Variants in ADGRL3 observed in about 807,000 individuals in gnomAD.
ADGRL3 encodes calcium-independent alpha-latrotoxin receptor 3.
In ADGRL3, 62 loss-of-function variants were observed where a neutral mutation model predicts 153.5. The ratio of observed to expected loss-of-function variants is 0.40; its 90% CI spans 0.33 to 0.50. The LOEUF (loss-of-function observed/expected upper bound fraction) is 0.50. Among genes scored for constraint, ADGRL3 ranks in the 20% least tolerant of loss-of-function variants. The pLI is 0.47. For missense variants in ADGRL3, 1,641 were observed against 1,859.4 expected (o/e 0.88, Z 2.16); for synonymous variants, 710 against 672.5 (o/e 1.06, Z -0.86).
At chr4:61,497,476 TTAAAA>T in intron 3 of ADGRL3, 128 bp downstream of exon 3, 1 of 539,160 alleles carries the variant, frequency 1.9e-6, no homozygotes, top group Non-Finnish European at 3.2e-6. Flanking sequence ...TATGAGTAAG[TTAAAA>T]TAAAAGAACA....
chr4:62,030,642 C>A (rs1342432527), intron 22 of ADGRL3, among the ~76,000 whole-genome samples: 2 of 151,522 alleles, frequency 1.3e-5, no homozygotes, highest in Non-Finnish European at 3.0e-5. Flanking sequence ...CTATACTACT[C>A]CATTCATACC....
chr4:61,601,968 T>C (rs544024799), intron 5 of ADGRL3, among the ~76,000 whole-genome samples: 2 of 152,276 alleles, frequency 1.3e-5, no homozygotes, highest in Non-Finnish European at 2.9e-5. Flanking sequence ...GAATATATGT[T>C]GTTAGATCAA....
At chr4:61,842,886 A>G (rs951354536) in intron 9 of ADGRL3, among the ~76,000 whole-genome samples, 1 of 152,190 alleles carries the variant, frequency 6.6e-6, no homozygotes, top group African/African-American at 2.4e-5. Flanking sequence ...GATAGTGTCT[A>G]TATTGGAAAT....
chr4:61,222,617 A>G (rs545399676), intron 1 of ADGRL3, among the ~76,000 whole-genome samples: 60 of 152,296 alleles, frequency 3.9e-4, no homozygotes, highest in Admixed American at 2.0e-3. Context: ...TTCAAGCTCC[A>G]TTGGAAATGC....
intron 2 of ADGRL3, among the ~76,000 whole-genome samples, chr4:61,407,205 T>C (rs972828004): frequency 6.6e-6 from 1 of 151,978 alleles, no homozygotes; most frequent in Non-Finnish European, 1.5e-5. Flanking sequence ...TAATTTGAGG[T>C]TTTTTTGTAA....
intron 3 of ADGRL3, among the ~76,000 whole-genome samples, chr4:61,516,924 A>C (rs1560768409): frequency 6.6e-6 from 1 of 152,138 alleles, no homozygotes; most frequent in African/African-American, 2.4e-5. Flanking sequence ...CATTATTCTT[A>C]TTTACACTTA....
intron 1 of ADGRL3, among the ~76,000 whole-genome samples, chr4:61,338,707 T>C (rs1226940164): frequency 6.6e-6 from 1 of 152,228 alleles, no homozygotes; most frequent in Non-Finnish European, 1.5e-5. Flanking sequence ...TATGTGATTA[T>C]TTACATATTG....
At position 61,909,759 on chromosome 4, in the gene ADGRL3, T is replaced by TTA. The variant is rs1553879259; in HGVS notation, c.2073+16_2073+17dup. 1.3e-5 allele frequency: 14 copies of TTA among 1,073,458 alleles called. No individual in the cohort carries two copies. The highest frequency in any genetic ancestry group is 1.8e-5 in the Non-Finnish European group (14 of 789,922). 66.5% of individuals were successfully genotyped at this position (1,073,458 alleles called of 1,614,324 possible). A position where few individuals can be genotyped will look rare whatever the true frequency, so the allele number is the denominator to read the frequency against. On this transcript the variant is annotated intron_variant, in intron 12 of 26. Transcript: ENST00000683033. ...AGTTTGAACAAGGTAAGGACCCTAA[T>TTA]TATGTGTGTGTGTGTGTGTGTGTGT...
At chr4:61,467,200 T>C (rs865818463) in intron 2 of ADGRL3, among the ~76,000 whole-genome samples, 1 of 152,112 alleles carries the variant, frequency 6.6e-6, no homozygotes, top group Admixed American at 6.6e-5. Flanking sequence ...AGTGTAAACA[T>C]TAAAATGTTA....
chr4:61,960,428 T>G (rs892974130), intron 17 of ADGRL3, among the ~76,000 whole-genome samples: 1 of 152,060 alleles, frequency 6.6e-6, no homozygotes, highest in Non-Finnish European at 1.5e-5. Flanking sequence ...AGAGAGAGTA[T>G]GTTAGCAGAA....
At chr4:61,630,752 G>C (rs2093113725) in intron 5 of ADGRL3, among the ~76,000 whole-genome samples, 1 of 152,226 alleles carries the variant, frequency 6.6e-6, no homozygotes, top group Non-Finnish European at 1.5e-5. Flanking sequence ...ATACAAATGT[G>C]TGCAAAGCAC....
At chr4:61,727,981 A>G (rs1322987366) in intron 6 of ADGRL3, among the ~76,000 whole-genome samples, 3 of 152,068 alleles carry the variant, frequency 2.0e-5, no homozygotes, top group Non-Finnish European at 4.4e-5. Context: ...TATTCATGTA[A>G]TTTGATTATT....
chr4:61,896,015 A>T (rs2098629344), intron 11 of ADGRL3, among the ~76,000 whole-genome samples, 181 bp downstream of exon 11: 1 of 152,102 alleles, frequency 6.6e-6, no homozygotes, highest in Non-Finnish European at 1.5e-5. Flanking sequence ...TTAAAGTGCA[A>T]ATCCATGAAT....
intron 2 of ADGRL3, among the ~76,000 whole-genome samples, chr4:61,463,837 G>A (rs925150042): frequency 1.3e-5 from 2 of 152,204 alleles, no homozygotes; most frequent in Non-Finnish European, 2.9e-5. Flanking sequence ...AACACCAGAT[G>A]TGGATGGTCA....
intron 5 of ADGRL3, among the ~76,000 whole-genome samples, chr4:61,640,898 T>G (rs1330022647): frequency 6.6e-6 from 1 of 152,206 alleles, no homozygotes; most frequent in Non-Finnish European, 1.5e-5. Flanking sequence ...AAGGTTCTGC[T>G]TAATATTCTT....
At chr4:61,428,627 G>C (rs905101536) in intron 2 of ADGRL3, among the ~76,000 whole-genome samples, 2 of 152,182 alleles carry the variant, frequency 1.3e-5, no homozygotes, top group African/African-American at 4.8e-5. Context: ...CCGGCTATGT[G>C]ATTTGGTAGT....
chr4:61,229,079 T>C (rs1421389412), intron 1 of ADGRL3, among the ~76,000 whole-genome samples: 1 of 152,120 alleles, frequency 6.6e-6, no homozygotes, highest in Non-Finnish European at 1.5e-5. Flanking sequence ...AGAGAGGCTG[T>C]GATGTAGAGA....
intron 1 of ADGRL3, among the ~76,000 whole-genome samples, chr4:61,288,750 A>T (rs1402728867): frequency 6.6e-6 from 1 of 152,008 alleles, no homozygotes; most frequent in Non-Finnish European, 1.5e-5. Context: ...CCTTTGTTTT[A>T]TATAGAGGCA....
At chr4:61,482,683 TAGG>T (rs1310856385) in intron 2 of ADGRL3, among the ~76,000 whole-genome samples, 1 of 152,132 alleles carries the variant, frequency 6.6e-6, no homozygotes, top group Non-Finnish European at 1.5e-5. Flanking sequence ...TAAATAAAAA[TAGG>T]AGCCATTAAA....
Sources: gnomAD v4.1 joint callset for allele counts (sites outside exome capture counted in the v4.1 genomes callset) on GRCh38, gnomAD v4.1.1 for gene constraint, MANE v1.5 for transcripts, NCBI Gene and HGNC (gene_info 2026-07-23, HGNC 2026-07-21) for gene names.